CYP39A1: variants seen among roughly 807,000 people sequenced by gnomAD.
The protein encoded by CYP39A1 is 24-hydroxycholesterol 7-alpha-hydroxylase.
Under a neutral mutation model 58.1 loss-of-function variants are expected in CYP39A1, and 49 were observed. The ratio of observed to expected loss-of-function variants is 0.84; its 90% confidence interval spans 0.67 to 1.07. The LOEUF is 1.07. Ranked by LOEUF, CYP39A1 falls within the 50% of genes least tolerant of loss-of-function variation. The probability of loss-of-function intolerance (pLI) is 0.00; values close to 1 mark genes in which losing one functional copy is unlikely to be tolerated. For synonymous variants in CYP39A1, 209 were observed against 187.6 expected (o/e 1.11, Z -0.93); for missense variants, 531 against 539.4 (o/e 0.98, Z 0.16).
intron 7 of CYP39A1, among the ~76,000 whole-genome samples, chr6:46,610,322 G>A (rs1156537849): frequency 6.6e-6 from 1 of 152,110 alleles, no homozygotes; most frequent in Admixed American, 6.5e-5. Context: ...TAATTAGGGT[G>A]AATCTGGCCT....
chr6:46,616,091 CCCTT>C (rs1458470502), intron 7 of CYP39A1, among the ~76,000 whole-genome samples: 1 of 137,580 alleles, frequency 7.3e-6, no homozygotes, highest in East Asian at 2.3e-4. Flanking sequence ...ATCCCTCCCT[CCCTT>C]CTTTCCTTTC....
At position 46,550,132 on chromosome 6, in the gene CYP39A1, T is replaced by C. The variant is rs897678467; in HGVS notation, c.*234A>G. On this transcript the variant is annotated 3_prime_UTR_variant, in exon 12 of 12. Coordinates refer to ENST00000275016, the MANE Select transcript of CYP39A1 (RefSeq NM_016593.5). ...AAAAATGTGGAGTTTTTTTGGATCA[T>C]TTGATCATTTCCTATAAACCATGTA... 17 of 359,282 alleles carry C rather than the reference T, an allele frequency of 4.7e-5. No homozygotes were observed. Among genetic ancestry groups the C allele is most frequent in the African/African-American group, 3.1e-4 (15 of 47,664 alleles). The allele number at this position is 359,282 out of a possible 1,614,324, so 22.3% of individuals were successfully genotyped here. A position where few individuals can be genotyped will look rare whatever the true frequency, so the allele number is the denominator to read the frequency against.
intron 10 of CYP39A1, among the ~76,000 whole-genome samples, chr6:46,565,289 A>G (rs1178724657): frequency 6.6e-6 from 1 of 152,182 alleles, no homozygotes; most frequent in Non-Finnish European, 1.5e-5. Context: ...CACAACATTA[A>G]AATTATAAAG....
chr6:46,579,310 C>A (rs1335356425), intron 10 of CYP39A1, among the ~76,000 whole-genome samples: 5 of 152,052 alleles, frequency 3.3e-5, no homozygotes, highest in Non-Finnish European at 7.4e-5. Context: ...ATTCCACATT[C>A]CTTCATGTTA....
intron 8 of CYP39A1, among the ~76,000 whole-genome samples, chr6:46,592,181 G>A (rs1772879153): frequency 6.6e-6 from 1 of 152,082 alleles, no homozygotes; most frequent in South Asian, 2.1e-4. Context: ...CCATTTCCAG[G>A]AAAGGGCACA....
chr6:46,558,274 A>G (rs1028965897), intron 10 of CYP39A1, among the ~76,000 whole-genome samples: 1 of 152,192 alleles, frequency 6.6e-6, no homozygotes. Context: ...AAGAGGTTTA[A>G]TTGACTCACA....
intron 10 of CYP39A1, among the ~76,000 whole-genome samples, chr6:46,559,827 T>C (rs1409438895): frequency 2.0e-5 from 3 of 152,228 alleles, no homozygotes; most frequent in Non-Finnish European, 4.4e-5. Flanking sequence ...ACTTAGATTA[T>C]ACACTAAGAG....
chr6:46,613,408 G>T (rs1418872530), intron 7 of CYP39A1, among the ~76,000 whole-genome samples: 1 of 152,192 alleles, frequency 6.6e-6, no homozygotes, highest in Non-Finnish European at 1.5e-5. Context: ...GAATCCAACT[G>T]CTAACTCTCT....
chr6:46,612,414 C>A (rs1252892193), intron 7 of CYP39A1, among the ~76,000 whole-genome samples: 1 of 152,178 alleles, frequency 6.6e-6, no homozygotes, highest in East Asian at 1.9e-4. Flanking sequence ...GATAGCCAAA[C>A]TGTATATTTG....
chr6:46,568,626 C>T (rs1034469506), intron 10 of CYP39A1, among the ~76,000 whole-genome samples: 2 of 152,018 alleles, frequency 1.3e-5, no homozygotes, highest in African/African-American at 2.4e-5. Context: ...GTTGTCCCAG[C>T]GCCATTCATT....
At chr6:46,643,162 A>AT (rs1357603098) in intron 1 of CYP39A1, among the ~76,000 whole-genome samples, 3 of 152,196 alleles carry the variant, frequency 2.0e-5, no homozygotes, top group African/African-American at 7.2e-5. Context: ...GGGAAAAAAA[A>AT]GTCATCATTT....
chr6:46,596,042 C>A lies in CYP39A1; in HGVS notation c.1010G>T (p.Arg337Leu). ...AGTAATGACACCAGGAGCTTTTAAA[C>A]GAATGGTTTCCAAAACACACCATTT... ...LIKWCVLETI[R>L]LKAPGVITRK... The change falls in exon 8 of 12, where the codon CGT becomes CTT. Residue 337 changes from arginine to leucine, a missense_variant. By Grantham distance (102) the Arg-to-Leu change is moderately radical. Coordinates refer to ENST00000275016, the MANE Select transcript of CYP39A1 (RefSeq NM_016593.5). 1.2e-6 allele frequency: 2 copies of A among 1,611,816 alleles called. No homozygotes were observed. The highest frequency in any genetic ancestry group is 1.7e-6 in the Non-Finnish European group (2 of 1,178,726).
intron 1 of CYP39A1, among the ~76,000 whole-genome samples, chr6:46,644,140 C>T (rs1185451262): frequency 1.3e-5 from 2 of 152,118 alleles, no homozygotes; most frequent in Admixed American, 6.6e-5. Context: ...TCTCTCACTC[C>T]TACCTTCTCA....
intron 1 of CYP39A1, among the ~76,000 whole-genome samples, chr6:46,649,229 T>G (rs1762523337): frequency 6.6e-6 from 1 of 152,216 alleles, no homozygotes; most frequent in Non-Finnish European, 1.5e-5. Flanking sequence ...GGCCAGGGCC[T>G]CCCTCTATTT....
At chr6:46,574,842 T>C (rs1771767862) in intron 10 of CYP39A1, among the ~76,000 whole-genome samples, 1 of 151,730 alleles carries the variant, frequency 6.6e-6, no homozygotes. Context: ...CACTGTTAAT[T>C]TTTTTAGGGA....
chr6:46,585,582 T>C (rs1469152034), intron 10 of CYP39A1, among the ~76,000 whole-genome samples: 2 of 152,100 alleles, frequency 1.3e-5, no homozygotes, highest in Non-Finnish European at 2.9e-5. Context: ...TTATATGATG[T>C]CCCTAAAGTA....
rs1165383346 is a variant in CYP39A1, at chr6:46,600,439, A to G, written c.932-4319T>C. On this transcript the variant is annotated intron_variant, in intron 7 of 11. Transcript: ENST00000275016. Reference sequence around the variant, plus strand: ...CCCAGCAAATAAGCCCCTTTCGATTACACCTGACTATGCTAATGAAGTGAC... The same window carrying G: ...CCCAGCAAATAAGCCCCTTTCGATTGCACCTGACTATGCTAATGAAGTGAC... 2.6e-5 allele frequency among the ~76,000 whole-genome samples: 4 copies of G among 152,108 alleles called. No homozygotes were observed. The South Asian group carries it at 8.3e-4, about 32-fold the overall frequency.
Position 46,550,222 on chromosome 6 carries a change from C to T in CYP39A1, c.*144G>A. 1.8e-6 allele frequency: 1 copy of T among 560,334 alleles called. No individual in the cohort carries two copies. The highest frequency in any genetic ancestry group is 3.2e-6 in the Non-Finnish European group (1 of 316,634). The allele number at this position is 560,334 out of a possible 1,614,324, so 34.7% of individuals were successfully genotyped here. ...GGTCTACTGTTGAAGATACCAAACA[C>T]ATGCACCATTTGAATGTGTTCTTGA... On this transcript the variant is annotated 3_prime_UTR_variant, in exon 12 of 12. Transcript: ENST00000275016.
chr6:46,644,215 A>C (rs554412911), intron 1 of CYP39A1, among the ~76,000 whole-genome samples: 1 of 152,344 alleles, frequency 6.6e-6, no homozygotes, highest in South Asian at 2.1e-4. Flanking sequence ...TATGTCATAT[A>C]AACAGAAGCA....
Sources: allele counts gnomAD v4.1 joint callset (sites outside exome capture counted in the v4.1 genomes callset), GRCh38; gene constraint gnomAD v4.1.1; transcripts MANE v1.5; gene names NCBI Gene and HGNC (gene_info 2026-07-23, HGNC 2026-07-21).